LDB2: variants seen among roughly 807,000 people sequenced by gnomAD.
The protein encoded by LDB2 is LIM domain binding 2.
LDB2 carries 12 observed loss-of-function variants against 44.3 expected under a neutral mutation model. That is an observed-to-expected ratio of 0.27 (90% CI 0.17 to 0.44). LDB2 has a LOEUF of 0.44. Ranked by LOEUF, LDB2 falls within the 20% of genes least tolerant of loss-of-function variation. The pLI, the probability that LDB2 is intolerant of heterozygous loss-of-function variation, is 1.00. For synonymous variants in LDB2, 164 were observed against 174.8 expected (o/e 0.94, Z 0.49); for missense variants, 344 against 473.5 (o/e 0.73, Z 2.54).
rs1188897893 is a variant in LDB2 at position 16,646,936 on chromosome 4, C to T, written c.236-51061G>A. ...TTGAACACACACTTACCATATGATTCAGCAATACCACTACTAGCAATACCA... is the reference window on the plus strand; with the variant it reads ...TTGAACACACACTTACCATATGATTTAGCAATACCACTACTAGCAATACCA... On this transcript the variant is annotated intron_variant, in intron 2 of 7. Coordinates refer to ENST00000304523, the MANE Select transcript of LDB2 (RefSeq NM_001290.5). Among the ~76,000 whole-genome samples, 9 of 152,300 alleles carry T rather than the reference C, an allele frequency of 5.9e-5. No homozygotes were observed. In the East Asian group the frequency reaches 1.2e-3, roughly 20 times the overall value.
chr4:16,590,245 G>T (rs997071626), intron 3 of LDB2, among the ~76,000 whole-genome samples: 1 of 151,910 alleles, frequency 6.6e-6, no homozygotes, highest in Non-Finnish European at 1.5e-5. Flanking sequence ...TTACTGCATT[G>T]GGCTTCCGAT....
chr4:16,618,021 T>C (rs1727810781), intron 2 of LDB2, among the ~76,000 whole-genome samples: 1 of 152,156 alleles, frequency 6.6e-6, no homozygotes, highest in Non-Finnish European at 1.5e-5. Flanking sequence ...AGCTCCCAAC[T>C]TGGGAACTAC....
At chr4:16,608,373 C>T (rs1003187394) in intron 2 of LDB2, among the ~76,000 whole-genome samples, 2 of 152,114 alleles carry the variant, frequency 1.3e-5, no homozygotes, top group African/African-American at 4.8e-5. Flanking sequence ...GGATTGTCTA[C>T]AAGAAAAGGA....
intron 2 of LDB2, among the ~76,000 whole-genome samples, chr4:16,682,856 A>G (rs2152569938): frequency 6.6e-6 from 1 of 152,378 alleles, no homozygotes; most frequent in South Asian, 2.1e-4. Context: ...GATGGGAAAC[A>G]GCGTGCTAGC....
At chr4:16,557,762 C>A (rs1236199108) in intron 5 of LDB2, among the ~76,000 whole-genome samples, 1 of 152,200 alleles carries the variant, frequency 6.6e-6, no homozygotes, top group Non-Finnish European at 1.5e-5. Context: ...AGACTGCCTC[C>A]TCAAGTGGGT....
intron 1 of LDB2, among the ~76,000 whole-genome samples, chr4:16,777,020 G>C (rs943884704): frequency 1.3e-5 from 2 of 152,150 alleles, no homozygotes; most frequent in African/African-American, 2.4e-5. Context: ...GACATTGCCA[G>C]ATGTCCTTGG....
intron 2 of LDB2, among the ~76,000 whole-genome samples, chr4:16,723,672 G>A (rs1027815234): frequency 6.6e-6 from 1 of 152,036 alleles, no homozygotes; most frequent in Non-Finnish European, 1.5e-5. Context: ...CTGGAGCCAC[G>A]TGGACCTTCT....
chr4:16,877,011 A>T (rs1718616677), intron 1 of LDB2, among the ~76,000 whole-genome samples: 1 of 152,074 alleles, frequency 6.6e-6, no homozygotes, highest in Non-Finnish European at 1.5e-5. Context: ...GGGCTGAAAC[A>T]ATCATCGAGT....
In LDB2 at chr4:16,502,524, A is replaced by AAAT; in HGVS notation, c.*116_*118dup. 7.7e-7 allele frequency: 1 copy of AAAT among 1,292,466 alleles called. No individual in the cohort carries two copies. Among genetic ancestry groups the AAAT allele is most frequent in the Admixed American group, 2.1e-5 (1 of 47,696 alleles). 80.1% of individuals were successfully genotyped at this position (1,292,466 alleles called of 1,614,324 possible). On this transcript the variant is annotated 3_prime_UTR_variant, in exon 8 of 8. Transcript: ENST00000304523. ...AGAAAATCAGATCATTGTGGTTTAG[A>AAAT]AATAGATATTTGCATGGAAAAGTTT...
intron 1 of LDB2, among the ~76,000 whole-genome samples, chr4:16,854,777 A>G (rs1789006493): frequency 6.6e-6 from 1 of 151,610 alleles, no homozygotes. Context: ...TTAAAGAGTG[A>G]TATACGCTAT....
chr4:16,784,244 C>T (rs148483910), intron 1 of LDB2, among the ~76,000 whole-genome samples: 18 of 152,252 alleles, frequency 1.2e-4, no homozygotes, highest in East Asian at 5.8e-4. Context: ...GACATCCATG[C>T]GGAGCTTGTC....
intron 5 of LDB2, among the ~76,000 whole-genome samples, chr4:16,521,171 G>A (rs1039568175): frequency 6.6e-6 from 1 of 152,184 alleles, no homozygotes; most frequent in Non-Finnish European, 1.5e-5. Context: ...CAGACTGGGT[G>A]GCTTAAAACA....
rs369736221 is a variant in LDB2 at position 16,614,816 on chromosome 4, A to G, written c.236-18941T>C. Among the ~76,000 whole-genome samples, 106 of 151,858 alleles carry G rather than the reference A, an allele frequency of 7.0e-4. No homozygotes were observed. The South Asian group carries it at 0.021, about 30-fold the overall frequency. ...CCGGGCGCGGTGGCTCACGCCTGTA[A>G]TCCCAGCACTTTGGGAGGCCGAGGC... On this transcript the variant is annotated intron_variant, in intron 2 of 7. Coordinates refer to ENST00000304523, the MANE Select transcript of LDB2 (RefSeq NM_001290.5).
intron 5 of LDB2, among the ~76,000 whole-genome samples, chr4:16,579,862 G>C (rs1713620262): frequency 6.6e-6 from 1 of 152,170 alleles, no homozygotes; most frequent in African/African-American, 2.4e-5. Context: ...TCTTCACATT[G>C]CTCAGAGTCT....
Position 16,585,993 on chromosome 4 carries a change from G to C in LDB2, c.544C>G (p.Gln182Glu). ...TTTTTGGACAGCTGATCCAGGACCT[G>C]AGGATCTTGTGCCTAAATGGAAAAA... The part of the protein sequence containing the change: ...SILAMHAQDP[Q>E]VLDQLSKNIT... The change falls in exon 5 of 8, where the codon CAG becomes GAG. Residue 182 changes from glutamine (Q) to glutamate (E), a missense_variant. This residue lies in a region of LDB2 where 226 missense variants were observed against 270.1 expected (regional missense o/e 0.84). Transcript: ENST00000304523. 1 of 1,613,680 alleles carries C rather than the reference G, an allele frequency of 6.2e-7. No homozygotes were observed. The highest frequency in any genetic ancestry group is 1.1e-5 in the South Asian group (1 of 91,048).
At chr4:16,688,955 CTT>C (rs1226634769) in intron 2 of LDB2, among the ~76,000 whole-genome samples, 1 of 152,192 alleles carries the variant, frequency 6.6e-6, no homozygotes, top group Non-Finnish European at 1.5e-5. Flanking sequence ...ATAACAAACA[CTT>C]TATTTATTTC....
chr4:16,895,846 G>A (rs1378574421), intron 1 of LDB2, among the ~76,000 whole-genome samples: 1 of 152,036 alleles, frequency 6.6e-6, no homozygotes, highest in Non-Finnish European at 1.5e-5. Flanking sequence ...TAAAGGTATA[G>A]TGTAACTTTA....
chr4:16,742,461 T>G (rs883086), intron 2 of LDB2, among the ~76,000 whole-genome samples: 23,256 of 152,250 alleles, frequency 0.15, 2,151 homozygotes, highest in Middle Eastern at 0.29. Flanking sequence ...TGAACCCACT[T>G]TTTTCAGACT....
chr4:16,883,011 A>T (rs1720595377), intron 1 of LDB2, among the ~76,000 whole-genome samples: 1 of 152,186 alleles, frequency 6.6e-6, no homozygotes, highest in African/African-American at 2.4e-5. Flanking sequence ...AGCTTATTTT[A>T]TGAGGACGGA....
Sources: allele counts gnomAD v4.1 joint callset (sites outside exome capture counted in the v4.1 genomes callset), GRCh38; gene constraint gnomAD v4.1.1; regional missense constraint gnomAD v4.1.1; transcripts MANE v1.5; gene names NCBI Gene and HGNC (gene_info 2026-07-23, HGNC 2026-07-21).